The following NCAM1 variants were observed in gnomAD, a reference collection of about 807,000 sequenced individuals.
NCAM1 encodes the protein antigen recognized by monoclonal antibody 5.1H11.
NCAM1 carries 14 observed loss-of-function variants against 109.8 expected under a neutral mutation model. The ratio of observed to expected loss-of-function variants is 0.13; its 90% confidence interval spans 0.08 to 0.20. The LOEUF is 0.20. Among genes scored for constraint, NCAM1 ranks in the 10% least tolerant of loss-of-function variants. NCAM1 has a pLI of 1.00. For missense variants in NCAM1, 774 were observed against 1,109.9 expected (o/e 0.70, Z 4.30); for synonymous variants, 418 against 442.9 (o/e 0.94, Z 0.70).
intron 1 of NCAM1, among the ~76,000 whole-genome samples, chr11:113,186,996 C>T (rs1943527634): frequency 2.0e-5 from 3 of 152,216 alleles, no homozygotes; most frequent in South Asian, 4.1e-4. Flanking sequence ...CATAATGGTA[C>T]TTTCCTTCTC....
intron 1 of NCAM1, among the ~76,000 whole-genome samples, chr11:113,189,228 G>T (rs924661513): frequency 3.9e-5 from 6 of 152,084 alleles, no homozygotes; most frequent in Admixed American, 3.3e-4. Context: ...GAGGCAGGCA[G>T]ATCACAAGGT....
chr11:113,153,243 A>G (rs1026591546), intron 1 of NCAM1, among the ~76,000 whole-genome samples: 11 of 152,050 alleles, frequency 7.2e-5, no homozygotes, highest in Admixed American at 4.6e-4. Flanking sequence ...AGTTTTCACT[A>G]TGTTGGCCAG....
chr11:113,169,386 A>G (rs756272730), intron 1 of NCAM1, among the ~76,000 whole-genome samples: 1 of 152,140 alleles, frequency 6.6e-6, no homozygotes, highest in Non-Finnish European at 1.5e-5. Flanking sequence ...TGCTTAGAAA[A>G]AGCTAGAACA....
rs1555122236 is a variant in NCAM1 at position 113,255,971 on chromosome 11, C to T, written c.1923C>T (p.Pro641=). Residue 641 remains proline (P), a synonymous_variant, in exon 16 of 20, where the codon CCC becomes CCT. Transcript: ENST00000316851. ...NLIKQDDGGS[P]IRHYLVRYRA... ...TCAAGCAGGATGACGGCGGCTCCCCCATCAGACACTATCTGGTCAGGTACC... is the reference window on the plus strand; with the variant it reads ...TCAAGCAGGATGACGGCGGCTCCCCTATCAGACACTATCTGGTCAGGTACC... 1 of 1,604,720 alleles carries T rather than the reference C, an allele frequency of 6.2e-7. No individual in the cohort carries two copies. Among genetic ancestry groups the T allele is most frequent in the Admixed American group, 1.7e-5 (1 of 58,956 alleles).
intron 1 of NCAM1, among the ~76,000 whole-genome samples, chr11:112,967,634 G>A (rs1240242675): frequency 2.0e-5 from 3 of 152,186 alleles, no homozygotes; most frequent in African/African-American, 4.8e-5. Context: ...TCATTAGTGA[G>A]CAAGAAGGAT....
At chr11:113,240,361 G>A (rs1228620319) in intron 14 of NCAM1, 2 of 175,054 alleles carry the variant, frequency 1.1e-5, no homozygotes, top group Non-Finnish European at 2.4e-5. Flanking sequence ...TACCTATATA[G>A]AAACACATAT....
intron 8 of NCAM1, 47 bp from the exon 9 acceptor site, chr11:113,221,249 A>G (rs782632254): frequency 6.5e-7 from 1 of 1,547,876 alleles, no homozygotes; most frequent in South Asian, 1.2e-5. Context: ...AACATGTTGT[A>G]AAATTTTACT....
rs545597941 is a variant in NCAM1 at position 113,211,889 on chromosome 11, G to A, written c.917-2480G>A. Among the ~76,000 whole-genome samples the A allele has an allele frequency of 7.9e-5, 12 of 152,310 alleles. No individual in the cohort carries two copies. In the South Asian group the frequency reaches 2.5e-3, roughly 32 times the overall value. On this transcript the variant is annotated intron_variant, in intron 7 of 19. Coordinates refer to ENST00000316851, the MANE Select transcript of NCAM1 (RefSeq NM_181351.5). ...TGGAAAACTCACAGGAGGAAATATGGGGAAAGGTGCAGTGGAACAGTCTGA... is the reference window on the plus strand; with the variant it reads ...TGGAAAACTCACAGGAGGAAATATGAGGAAAGGTGCAGTGGAACAGTCTGA...
intron 1 of NCAM1, among the ~76,000 whole-genome samples, chr11:113,080,139 G>T (rs186241947): frequency 2.0e-5 from 3 of 151,724 alleles, no homozygotes; most frequent in Non-Finnish European, 2.9e-5. Flanking sequence ...ATAGGTTATC[G>T]TTTTTTTTCT....
chr11:113,010,748 G>A (rs781637304), intron 1 of NCAM1, among the ~76,000 whole-genome samples: 1 of 152,202 alleles, frequency 6.6e-6, no homozygotes, highest in African/African-American at 2.4e-5. Flanking sequence ...CATATTGAGT[G>A]TATAGTACTG....
chr11:113,239,444 A>C (rs566005979), intron 14 of NCAM1, among the ~76,000 whole-genome samples: 1 of 151,012 alleles, frequency 6.6e-6, no homozygotes, highest in African/African-American at 2.4e-5. Flanking sequence ...CTTCTGTACC[A>C]TGAAGCAAAA....
At chr11:113,202,266 T>A (rs1458078711) in intron 1 of NCAM1, 113 bp from the exon 2 acceptor site, 5 of 1,120,276 alleles carry the variant, frequency 4.5e-6, no homozygotes, top group Non-Finnish European at 5.0e-6. Flanking sequence ...GGAAGCCTAT[T>A]TTTGAATGGA....
At chr11:113,040,034 G>A (rs190148732) in intron 1 of NCAM1, among the ~76,000 whole-genome samples, 14 of 152,236 alleles carry the variant, frequency 9.2e-5, no homozygotes, top group Admixed American at 3.3e-4. Flanking sequence ...CCAGCTACTC[G>A]GGAGGCTGAG....
rs544800521 is a variant in NCAM1 at position 113,277,120 on chromosome 11, T to C, written c.*1733T>C. 8 of 387,834 alleles carry C rather than the reference T, an allele frequency of 2.1e-5. No individual in the cohort carries two copies. The South Asian group carries it at 7.2e-4, about 35-fold the overall frequency. 24.0% of individuals were successfully genotyped at this position (387,834 alleles called of 1,614,324 possible). On this transcript the variant is annotated 3_prime_UTR_variant, in exon 20 of 20. Transcript: ENST00000316851. The stretch of plus-strand genomic sequence containing the variant: ...ATGATGATGATGATGATGAAGATGA[T>C]GCTAAGTAAACAGAAATCAGTACTC...
chr11:113,182,878 A>G (rs782721128), intron 1 of NCAM1, among the ~76,000 whole-genome samples: 4 of 152,194 alleles, frequency 2.6e-5, no homozygotes, highest in Non-Finnish European at 4.4e-5. Context: ...TGCTGCCACC[A>G]TCAGTGAAGA....
intron 17 of NCAM1, chr11:113,264,882 G>C (rs1267196420): frequency 1.0e-6 from 1 of 985,420 alleles, no homozygotes. Flanking sequence ...CACTCCCCAC[G>C]GACACTGAGT....
chr11:113,242,759 T>G, intron 14 of NCAM1: 1 of 1,549,238 alleles, frequency 6.5e-7, no homozygotes, highest in East Asian at 2.2e-5. Context: ...ATCTCCATTC[T>G]CTCCTTCACC....
chr11:113,216,872 G>A (rs1944547227), intron 8 of NCAM1, among the ~76,000 whole-genome samples: 1 of 152,132 alleles, frequency 6.6e-6, no homozygotes, highest in South Asian at 2.1e-4. Context: ...AACAAATATA[G>A]GCTGTTCATG....
At chr11:113,014,060 G>T (rs1339311368) in intron 1 of NCAM1, among the ~76,000 whole-genome samples, 2 of 151,970 alleles carry the variant, frequency 1.3e-5, no homozygotes, top group Non-Finnish European at 1.5e-5. Flanking sequence ...AGAATATTGG[G>T]CTTTAGTGGG....
Sources: gnomAD v4.1 joint callset for allele counts (sites outside exome capture counted in the v4.1 genomes callset) on GRCh38, gnomAD v4.1.1 for gene constraint, MANE v1.5 for transcripts, NCBI Gene and HGNC (gene_info 2026-07-23, HGNC 2026-07-21) for gene names.